Variants in SORCS1 observed in about 807,000 individuals in gnomAD.
The protein encoded by SORCS1 is VPS10 domain-containing receptor SorCS1.
Under a neutral mutation model 146.1 loss-of-function variants are expected in SORCS1, and 60 were observed. The observed-to-expected ratio is 0.41, with a 90% CI of 0.33 to 0.51. SORCS1 has a LOEUF of 0.51. Ranked by LOEUF, SORCS1 falls within the 20% of genes least tolerant of loss-of-function variation. SORCS1 has a pLI of 0.21. For missense variants in SORCS1, 1,352 were observed against 1,487.6 expected (o/e 0.91, Z 1.50); for synonymous variants, 637 against 584.0 (o/e 1.09, Z -1.31).
intron 15 of SORCS1, among the ~76,000 whole-genome samples, chr10:106,671,670 G>A (rs1364488372): frequency 1.3e-5 from 2 of 152,194 alleles, no homozygotes; most frequent in African/African-American, 4.8e-5. Context: ...GACTCAGCCT[G>A]TACCTAGTGT....
intron 2 of SORCS1, among the ~76,000 whole-genome samples, chr10:106,844,543 C>A (rs1414935378): frequency 1.1e-4 from 17 of 151,216 alleles, no homozygotes; most frequent in Admixed American, 1.1e-3. Flanking sequence ...TCCAGTTTCT[C>A]CAACACCATT....
intron 15 of SORCS1, among the ~76,000 whole-genome samples, chr10:106,671,945 G>T (rs1851638271): frequency 6.6e-6 from 1 of 152,150 alleles, no homozygotes; most frequent in African/African-American, 2.4e-5. Context: ...CATCCCAAAG[G>T]AGAAAATATC....
intron 1 of SORCS1, among the ~76,000 whole-genome samples, chr10:107,152,951 T>G (rs1968947607): frequency 6.6e-6 from 1 of 152,164 alleles, no homozygotes; most frequent in African/African-American, 2.4e-5. Flanking sequence ...TCCGTGTCTC[T>G]TTGTCTCTCA....
At chr10:106,705,743 G>A (rs1303115792) in intron 8 of SORCS1, among the ~76,000 whole-genome samples, 4 of 152,086 alleles carry the variant, frequency 2.6e-5, no homozygotes, top group African/African-American at 7.2e-5. Context: ...CTGAGCTCCC[G>A]AGTCAGTTTG....
chr10:106,736,194 G>A (rs192993472), intron 5 of SORCS1, among the ~76,000 whole-genome samples: 2 of 152,264 alleles, frequency 1.3e-5, no homozygotes, highest in Admixed American at 1.3e-4. Flanking sequence ...CTGGCATTTT[G>A]TCTGAGTTTA....
chr10:106,836,519 A>C (rs1363126592), intron 2 of SORCS1, among the ~76,000 whole-genome samples: 1 of 146,728 alleles, frequency 6.8e-6, no homozygotes, highest in Non-Finnish European at 1.5e-5. Context: ...CTGAGTGCGC[A>C]CTGGCCAGCA....
At chr10:106,819,784 G>A (rs1947923288) in intron 3 of SORCS1, among the ~76,000 whole-genome samples, 1 of 152,176 alleles carries the variant, frequency 6.6e-6, no homozygotes, top group Non-Finnish European at 1.5e-5. Context: ...AGAAAGATAA[G>A]GGTAAATTGT....
At chr10:106,726,359 C>CA (rs60801871) in intron 6 of SORCS1, among the ~76,000 whole-genome samples, 694 of 43,596 alleles carry the variant, frequency 0.016, 99 homozygotes, top group African/African-American at 0.059. Flanking sequence ...GCTGCCTTCG[C>CA]AAAAAAAAAA....
intron 3 of SORCS1, among the ~76,000 whole-genome samples, chr10:106,786,437 C>G (rs1375882013): frequency 1.3e-5 from 2 of 152,120 alleles, no homozygotes; most frequent in Non-Finnish European, 2.9e-5. Context: ...CATAACATGG[C>G]AGTTTCATAA....
chr10:106,863,546 T>C (rs1017656396), intron 2 of SORCS1, among the ~76,000 whole-genome samples: 21 of 150,454 alleles, frequency 1.4e-4, no homozygotes, highest in Non-Finnish European at 3.0e-4. Flanking sequence ...AAAAAGTGCT[T>C]ACAGAGAATG....
At chr10:106,927,721 A>G (rs1383748147) in intron 2 of SORCS1, among the ~76,000 whole-genome samples, 2 of 152,046 alleles carry the variant, frequency 1.3e-5, no homozygotes, top group Admixed American at 1.3e-4. Context: ...TGTTGACACA[A>G]AGGTTCTCCA....
intron 3 of SORCS1, among the ~76,000 whole-genome samples, chr10:106,780,969 C>G (rs1238731376): frequency 7.0e-6 from 1 of 142,728 alleles, no homozygotes; most frequent in African/African-American, 2.6e-5. Context: ...TCAAATACGT[C>G]ACTTCTCCTT....
At chr10:106,652,149 A>G (rs1849912612) in intron 18 of SORCS1, among the ~76,000 whole-genome samples, 1 of 152,264 alleles carries the variant, frequency 6.6e-6, no homozygotes, top group African/African-American at 2.4e-5. Flanking sequence ...TCCAAGAGTA[A>G]GAGATTAAGT....
intron 1 of SORCS1, among the ~76,000 whole-genome samples, chr10:107,038,500 C>T (rs1227708990): frequency 2.0e-5 from 3 of 152,026 alleles, no homozygotes; most frequent in Non-Finnish European, 4.4e-5. Flanking sequence ...TGTAACAAAC[C>T]TGCACATTGT....
intron 8 of SORCS1, among the ~76,000 whole-genome samples, chr10:106,701,670 G>T (rs149298172): frequency 7.9e-5 from 12 of 152,136 alleles, no homozygotes; most frequent in African/African-American, 1.4e-4. Flanking sequence ...TCATCCCACC[G>T]CCAGACTTTT....
intron 3 of SORCS1, among the ~76,000 whole-genome samples, chr10:106,786,108 A>G (rs1380668799): frequency 1.3e-5 from 2 of 152,228 alleles, no homozygotes; most frequent in Admixed American, 6.5e-5. Flanking sequence ...CTCAATATAC[A>G]TACCTCAGAA....
At chr10:107,052,614 C>T (rs1233305820) in intron 1 of SORCS1, among the ~76,000 whole-genome samples, 1 of 152,072 alleles carries the variant, frequency 6.6e-6, no homozygotes, top group East Asian at 1.9e-4. Context: ...AAGTTAAATT[C>T]CAACCTCCAT....
At chr10:106,889,373 G>A (rs1951130785) in intron 2 of SORCS1, among the ~76,000 whole-genome samples, 2 of 152,126 alleles carry the variant, frequency 1.3e-5, no homozygotes, top group African/African-American at 2.4e-5. Flanking sequence ...CAACAATGGC[G>A]TCACCTGGGA....
At chr10:106,704,293 GTATAA>G (rs1320462992) in intron 8 of SORCS1, among the ~76,000 whole-genome samples, 3 of 152,112 alleles carry the variant, frequency 2.0e-5, no homozygotes, top group African/African-American at 7.2e-5. Context: ...TACTAAGAAA[GTATAA>G]TATAAAAAAG....
Sources: allele counts gnomAD v4.1 joint callset (sites outside exome capture counted in the v4.1 genomes callset), GRCh38; gene constraint gnomAD v4.1.1; transcripts MANE v1.5; gene names NCBI Gene and HGNC (gene_info 2026-07-23, HGNC 2026-07-21).